The following LSAMP variants were observed in gnomAD, a reference collection of about 807,000 sequenced individuals.
LSAMP encodes limbic system-associated membrane protein.
A neutral mutation model predicts 38.6 loss-of-function variants in LSAMP; 7 were observed. That is an observed-to-expected ratio of 0.18 (90% CI 0.10 to 0.34). The LOEUF is 0.34. Among genes scored for constraint, LSAMP ranks in the 10% least tolerant of loss-of-function variants. LSAMP has a pLI of 1.00. For synonymous variants in LSAMP, 154 were observed against 166.8 expected (o/e 0.92, Z 0.59); for missense variants, 313 against 420.0 (o/e 0.75, Z 2.23).
intron 1 of LSAMP, among the ~76,000 whole-genome samples, chr3:116,285,992 G>A (rs1001465255): frequency 3.9e-5 from 6 of 152,182 alleles, no homozygotes; most frequent in Admixed American, 3.9e-4. Flanking sequence ...ACAAAAAAGA[G>A]GACAAAGACT....
chr3:116,303,299 A>C (rs1353602819), intron 1 of LSAMP, among the ~76,000 whole-genome samples: 1 of 152,198 alleles, frequency 6.6e-6, no homozygotes, highest in African/African-American at 2.4e-5. Context: ...TAGAGTTTAG[A>C]AGTGAAATTA....
chr3:116,326,888 G>A (rs1385056417), intron 1 of LSAMP, among the ~76,000 whole-genome samples: 2 of 152,068 alleles, frequency 1.3e-5, no homozygotes, highest in African/African-American at 4.8e-5. Context: ...GGTCGTGGGT[G>A]TCATGAAAAT....
chr3:116,359,759 C>T (rs13092317), intron 1 of LSAMP, among the ~76,000 whole-genome samples: 1 of 152,058 alleles, frequency 6.6e-6, no homozygotes, highest in Non-Finnish European at 1.5e-5. Context: ...AATAGAACTG[C>T]ACCATTTTCT....
At chr3:115,966,220 C>G (rs1043590800) in intron 3 of LSAMP, among the ~76,000 whole-genome samples, 1 of 152,168 alleles carries the variant, frequency 6.6e-6, no homozygotes, top group Non-Finnish European at 1.5e-5. Context: ...TTCCAGAAAC[C>G]ATTTTCGATC....
chr3:116,276,674 TA>T (rs559344326), intron 1 of LSAMP, among the ~76,000 whole-genome samples: 33 of 81,984 alleles, frequency 4.0e-4, no homozygotes, highest in African/African-American at 1.2e-3. Flanking sequence ...TATGGAAAAA[TA>T]AAAAAAAAGA....
intron 1 of LSAMP, among the ~76,000 whole-genome samples, chr3:116,093,040 T>A (rs1484287248): frequency 6.6e-6 from 1 of 152,234 alleles, no homozygotes; most frequent in Non-Finnish European, 1.5e-5. Context: ...ATATATTTTA[T>A]GTAATCCGCA....
chr3:115,860,734 A>T (rs1370546567), intron 3 of LSAMP, among the ~76,000 whole-genome samples: 1 of 152,240 alleles, frequency 6.6e-6, no homozygotes, highest in Non-Finnish European at 1.5e-5. Context: ...GGAGCTACAG[A>T]GACAGTGTAG....
chr3:116,155,918 G>T (rs922711694), intron 1 of LSAMP, among the ~76,000 whole-genome samples: 8 of 152,140 alleles, frequency 5.3e-5, no homozygotes, highest in Non-Finnish European at 1.5e-5. Context: ...AAAACTGTTT[G>T]CTGTAAAACA....
intron 2 of LSAMP, among the ~76,000 whole-genome samples, chr3:116,074,869 G>T (rs1387000773): frequency 1.0e-4 from 13 of 128,276 alleles, no homozygotes; most frequent in African/African-American, 4.1e-4. Context: ...TTTGAGATGA[G>T]TTTCACTCTT....
intron 3 of LSAMP, among the ~76,000 whole-genome samples, chr3:115,916,334 A>G (rs1937250670): frequency 6.6e-6 from 1 of 152,232 alleles, no homozygotes; most frequent in Non-Finnish European, 1.5e-5. Context: ...GCAATGGGAC[A>G]TGAAATTCAA....
intron 1 of LSAMP, among the ~76,000 whole-genome samples, chr3:116,187,840 C>T (rs914497737): frequency 2.0e-5 from 3 of 151,992 alleles, no homozygotes; most frequent in South Asian, 2.1e-4. Flanking sequence ...AGGTTTGTTA[C>T]ATAGGCAAAC....
chr3:115,977,197 A>G (rs999959169), intron 3 of LSAMP, among the ~76,000 whole-genome samples: 41 of 152,218 alleles, frequency 2.7e-4, no homozygotes, highest in African/African-American at 8.7e-4. Context: ...TACCTTTTTC[A>G]GTATGGCCCA....
intron 1 of LSAMP, among the ~76,000 whole-genome samples, chr3:116,192,626 C>T (rs1183318978): frequency 6.6e-6 from 1 of 152,070 alleles, no homozygotes; most frequent in Non-Finnish European, 1.5e-5. Flanking sequence ...ATAAGTGACA[C>T]CTGGAAAGAT....
chr3:116,311,678 C>G (rs1269507750), intron 1 of LSAMP, among the ~76,000 whole-genome samples: 2 of 152,118 alleles, frequency 1.3e-5, no homozygotes, highest in Non-Finnish European at 2.9e-5. Flanking sequence ...AATTATAAAA[C>G]TTTTGAGACC....
intron 1 of LSAMP, among the ~76,000 whole-genome samples, chr3:116,300,598 T>C (rs1021184109): frequency 6.6e-6 from 1 of 152,156 alleles, no homozygotes; most frequent in African/African-American, 2.4e-5. Context: ...TGAACCCTTT[T>C]GTGAACTGCG....
At chr3:116,042,588 C>G (rs909943418) in intron 2 of LSAMP, among the ~76,000 whole-genome samples, 2 of 152,058 alleles carry the variant, frequency 1.3e-5, no homozygotes, top group Non-Finnish European at 2.9e-5. Context: ...TGCCACCATG[C>G]CCGGTTAATT....
intron 1 of LSAMP, among the ~76,000 whole-genome samples, chr3:116,332,121 T>A (rs988516945): frequency 1.3e-5 from 2 of 152,118 alleles, no homozygotes; most frequent in South Asian, 4.1e-4. Context: ...ATTACAGGCA[T>A]GAGCCACCAC....
intron 1 of LSAMP, among the ~76,000 whole-genome samples, chr3:116,187,355 A>C (rs1366357802): frequency 6.6e-6 from 1 of 152,178 alleles, no homozygotes; most frequent in African/African-American, 2.4e-5. Flanking sequence ...ATGATGAAAA[A>C]TGAAGATGGT....
intron 6 of LSAMP, among the ~76,000 whole-genome samples, chr3:115,811,794 G>A (rs1477514545): frequency 6.6e-6 from 1 of 152,136 alleles, no homozygotes; most frequent in African/African-American, 2.4e-5. Context: ...CTTACTACAC[G>A]ATTTTGTCAC....
Sources: allele counts gnomAD v4.1 joint callset (sites outside exome capture counted in the v4.1 genomes callset), GRCh38; gene constraint gnomAD v4.1.1; transcripts MANE v1.5; gene names NCBI Gene and HGNC (gene_info 2026-07-23, HGNC 2026-07-21).